Variants in SCHIP1 observed in about 807,000 individuals in gnomAD.
SCHIP1 encodes the protein schwannomin-interacting protein 1.
SCHIP1 carries 8 observed loss-of-function variants against 29.7 expected under a neutral mutation model. The observed-to-expected ratio is 0.27, with a 90% CI of 0.16 to 0.49. The LOEUF is 0.49. SCHIP1 is among the 20% of genes least tolerant of loss of function. The pLI is 0.99. For synonymous variants in SCHIP1, 76 were observed against 94.9 expected (o/e 0.80, Z 1.16); for missense variants, 193 against 294.6 (o/e 0.66, Z 2.52).
the SCHIP1 span, among the ~76,000 whole-genome samples, chr3:159,499,713 A>G: frequency 3.9e-5 from 6 of 152,356 alleles, no homozygotes; most frequent in East Asian, 1.2e-3. Flanking sequence ...AGTAATAATC[A>G]TAGCTACCAA....
the SCHIP1 span, among the ~76,000 whole-genome samples, chr3:159,742,005 G>A: frequency 1.9e-4 from 29 of 152,156 alleles, no homozygotes; most frequent in African/African-American, 6.5e-4. Context: ...TGAGGTGGGC[G>A]GATCACTTGA....
the SCHIP1 span, among the ~76,000 whole-genome samples, chr3:159,730,619 G>A: frequency 2.0e-5 from 3 of 152,090 alleles, no homozygotes; most frequent in East Asian, 3.9e-4. Context: ...CTGGATCAAA[G>A]AGTAATCACA....
chr3:159,783,651 GA>G, the SCHIP1 span, among the ~76,000 whole-genome samples: 1 of 152,196 alleles, frequency 6.6e-6, no homozygotes, highest in Admixed American at 6.5e-5. Flanking sequence ...GTGGAGTGGA[GA>G]ATGGAGCCTT....
chr3:159,495,115 T>C, the SCHIP1 span, among the ~76,000 whole-genome samples: 1 of 152,110 alleles, frequency 6.6e-6, no homozygotes, highest in Non-Finnish European at 1.5e-5. Context: ...CTCAAAATAA[T>C]AAGAGCTATC....
chr3:159,279,532 T>G, the SCHIP1 span, among the ~76,000 whole-genome samples: 5 of 152,164 alleles, frequency 3.3e-5, no homozygotes, highest in Admixed American at 3.3e-4. Flanking sequence ...TTTAGAGCAC[T>G]TAGTACTTTC....
the SCHIP1 span, among the ~76,000 whole-genome samples, chr3:159,722,675 T>A: frequency 1.3e-5 from 2 of 152,324 alleles, no homozygotes; most frequent in Admixed American, 1.3e-4. Context: ...ATGCATATCA[T>A]TTTTTCAAGT....
At chr3:159,353,905 AC>A in the SCHIP1 span, among the ~76,000 whole-genome samples, 1 of 152,184 alleles carries the variant, frequency 6.6e-6, no homozygotes, top group African/African-American at 2.4e-5. Flanking sequence ...CCTATTGTAA[AC>A]AAATTAGGAT....
At chr3:159,521,899 G>C in the SCHIP1 span, among the ~76,000 whole-genome samples, 1 of 152,156 alleles carries the variant, frequency 6.6e-6, no homozygotes, top group Non-Finnish European at 1.5e-5. Flanking sequence ...ACAATAGATT[G>C]CAAATATTAA....
At chr3:159,661,788 G>A in the SCHIP1 span, among the ~76,000 whole-genome samples, 1 of 152,078 alleles carries the variant, frequency 6.6e-6, no homozygotes, top group African/African-American at 2.4e-5. Flanking sequence ...AAAGGAGGCT[G>A]GGGAAAATTA....
chr3:159,559,915 AT>A, the SCHIP1 span, among the ~76,000 whole-genome samples: 6 of 152,206 alleles, frequency 3.9e-5, no homozygotes, highest in Non-Finnish European at 5.9e-5. Context: ...ACATTCTTAA[AT>A]GACTGATTAT....
At chr3:159,759,517 T>C in the SCHIP1 span, among the ~76,000 whole-genome samples, 1 of 152,366 alleles carries the variant, frequency 6.6e-6, no homozygotes, top group South Asian at 2.1e-4. Context: ...ATTCATTTAA[T>C]TAATTGTTAC....
chr3:159,534,355 C>T, the SCHIP1 span, among the ~76,000 whole-genome samples: 1 of 152,042 alleles, frequency 6.6e-6, no homozygotes, highest in African/African-American at 2.4e-5. Flanking sequence ...GAGTGGCTTT[C>T]GTAAGACAAT....
At chr3:159,376,635 C>T in the SCHIP1 span, among the ~76,000 whole-genome samples, 24 of 152,280 alleles carry the variant, frequency 1.6e-4, no homozygotes, top group Admixed American at 5.9e-4. Context: ...GAATGGGCAC[C>T]TGTCATTCTC....
the SCHIP1 span, among the ~76,000 whole-genome samples, chr3:159,297,932 A>G: frequency 6.6e-6 from 1 of 152,104 alleles, no homozygotes; most frequent in Admixed American, 6.5e-5. Context: ...AACATACTGT[A>G]TTTTTCCTCA....
chr3:159,412,159 A>T, the SCHIP1 span, among the ~76,000 whole-genome samples: 1 of 152,208 alleles, frequency 6.6e-6, no homozygotes, highest in East Asian at 1.9e-4. Flanking sequence ...AAGGATAAGC[A>T]ACTCCTTTCA....
chr3:159,626,170 ATCTATCTATC>A, the SCHIP1 span, among the ~76,000 whole-genome samples: 5 of 54,866 alleles, frequency 9.1e-5, no homozygotes, highest in African/African-American at 5.8e-4. Context: ...ATCTAGATAT[ATCTATCTATC>A]TAGATAGATA....
the SCHIP1 span, among the ~76,000 whole-genome samples, chr3:159,418,726 G>A: frequency 6.6e-6 from 1 of 152,120 alleles, no homozygotes; most frequent in Non-Finnish European, 1.5e-5. Flanking sequence ...GTCTGGCTTG[G>A]GAAATTCCCA....
At chr3:159,853,294 T>C (rs1712892020) in intron 1 of SCHIP1, 1 of 616,464 alleles carries the variant, frequency 1.6e-6, no homozygotes, top group African/African-American at 1.9e-5. Flanking sequence ...GTATGAGCAG[T>C]AACCAGGGAA....
At chr3:159,371,807 A>T in the SCHIP1 span, among the ~76,000 whole-genome samples, 1 of 152,174 alleles carries the variant, frequency 6.6e-6, no homozygotes, top group Non-Finnish European at 1.5e-5. Flanking sequence ...ATACTGTTTC[A>T]TTTAGGAAAT....
Sources: allele counts gnomAD v4.1 joint callset (sites outside exome capture counted in the v4.1 genomes callset), GRCh38; gene constraint gnomAD v4.1.1; transcripts MANE v1.5; gene names NCBI Gene and HGNC (gene_info 2026-07-23, HGNC 2026-07-21).